Variants in MICAL3 observed in about 807,000 individuals in gnomAD.
MICAL3 encodes the protein [F-actin]-monooxygenase MICAL3.
MICAL3 carries 62 observed loss-of-function variants against 207.4 expected under a neutral mutation model. The observed-to-expected ratio is 0.30, with a 90% CI of 0.24 to 0.37. MICAL3 has a LOEUF of 0.37. Ranked by LOEUF, MICAL3 falls within the 10% of genes least tolerant of loss-of-function variation. The probability of loss-of-function intolerance (pLI) is 1.00; values close to 1 mark genes in which losing one functional copy is unlikely to be tolerated. For missense variants in MICAL3, 2,368 were observed against 2,635.6 expected (o/e 0.90, Z 2.22); for synonymous variants, 1,077 against 1,069.3 (o/e 1.01, Z -0.14).
intron 16 of MICAL3, among the ~76,000 whole-genome samples, chr22:17,878,391 C>G (rs549176197): frequency 5.9e-5 from 9 of 152,262 alleles, no homozygotes; most frequent in African/African-American, 1.4e-4. Context: ...TGGGAAAGAC[C>G]CCCACCTCCA....
rs118175878 is a variant in MICAL3, at chr22:17,896,487, C to T, written c.1207-126G>A. On this transcript the variant is annotated intron_variant, in intron 8 of 31. Transcript: ENST00000441493. ...TGGCAACTGTTTCAATAACAAATTG[C>T]TCTCCTTCCCAGATTGGCAAGGAGT... is the stretch of plus-strand genomic sequence containing the variant. 1,521 of 748,634 alleles carry T rather than the reference C, an allele frequency of 2.0e-3. 4 individuals carry two copies. The highest frequency in any genetic ancestry group is 3.4e-3 in the Admixed American group (136 of 39,608). 46.4% of individuals were successfully genotyped at this position (748,634 alleles called of 1,614,324 possible).
intron 16 of MICAL3, among the ~76,000 whole-genome samples, chr22:17,878,704 G>A (rs768491024): frequency 1.2e-4 from 18 of 152,174 alleles, no homozygotes; most frequent in Non-Finnish European, 2.2e-4. Flanking sequence ...GTTTCATAAA[G>A]TAAGCCGGCT....
chr22:17,967,016 AC>A (rs1382215930), intron 1 of MICAL3, among the ~76,000 whole-genome samples: 1 of 152,210 alleles, frequency 6.6e-6, no homozygotes, highest in African/African-American at 2.4e-5. Flanking sequence ...CTTCCTGGGC[AC>A]CCATGTGTGC....
intron 20 of MICAL3, among the ~76,000 whole-genome samples, chr22:17,836,643 G>C (rs180957506): frequency 3.3e-5 from 5 of 150,810 alleles, no homozygotes; most frequent in Non-Finnish European, 7.4e-5. Context: ...GAAGTTCCTG[G>C]GTGGTTTTTT....
At chr22:18,004,330 C>G (rs979023877) in intron 1 of MICAL3, 1 of 151,182 alleles carries the variant, frequency 6.6e-6, no homozygotes, top group African/African-American at 2.4e-5. Context: ...TGCATGATCT[C>G]GGCTCACCAC....
intron 5 of MICAL3, 112 bp downstream of exon 5, chr22:17,901,766 C>T (rs1931339003): frequency 2.9e-6 from 2 of 697,546 alleles, no homozygotes; most frequent in African/African-American, 1.8e-5. Context: ...AGGAAGCACA[C>T]ATTCAGGCTC....
Position 17,886,041 on chromosome 22 carries a change from G to A in MICAL3, c.2078C>T (p.Pro693Leu), listed in dbSNP as rs756434367. 5.6e-6 allele frequency: 9 copies of A among 1,613,958 alleles called. No homozygotes were observed. The South Asian group carries it at 8.8e-5, about 16-fold the overall frequency. ...KTSQSEEEEA[P>L]RGHRGERPTL... ...CGGTCTTTCTCCTCTGTGGCCCCGA[G>A]GAGCTTCCTCCTGGTCAATGCCAAC... Residue 693 changes from proline to leucine, a missense_variant, in exon 16 of 32, where the codon CCT becomes CTT. This residue lies in a region of MICAL3 where 1,770 missense variants were observed against 1,863.2 expected (regional missense o/e 0.95). Transcript: ENST00000441493.
chr22:17,819,912 T>C (rs965401559), intron 25 of MICAL3, among the ~76,000 whole-genome samples: 1 of 128,102 alleles, frequency 7.8e-6, no homozygotes, highest in Non-Finnish European at 1.5e-5. Context: ...CACTGCATCC[T>C]AGCCTGGGTG....
chr22:17,861,754 C>G, intron 19 of MICAL3: 2 of 985,010 alleles, frequency 2.0e-6, no homozygotes, highest in Non-Finnish European at 2.4e-6. Context: ...GATTTAAGAA[C>G]AAAAAAGAGG....
At chr22:17,798,089 G>C (rs2061895953) in intron 29 of MICAL3, among the ~76,000 whole-genome samples, 1 of 152,240 alleles carries the variant, frequency 6.6e-6, no homozygotes, top group Non-Finnish European at 1.5e-5. Context: ...TTTCCCCAGG[G>C]AACACGGGTT....
At chr22:17,861,935 G>C in intron 19 of MICAL3, 1 of 985,284 alleles carries the variant, frequency 1.0e-6, no homozygotes, top group East Asian at 1.1e-4. Context: ...GTGTTTTTTT[G>C]TTTTTGTTTT....
chr22:17,848,982 G>A (rs139688417), intron 19 of MICAL3, among the ~76,000 whole-genome samples: 15 of 152,362 alleles, frequency 9.8e-5, no homozygotes, highest in South Asian at 6.2e-4. Context: ...CCACTGCTAT[G>A]TCAGGGTGGT....
Position 17,885,945 on chromosome 22 carries a change from A to G in MICAL3, c.2174T>C (p.Met725Thr). 6.2e-7 allele frequency: 1 copy of G among 1,614,022 alleles called. No homozygotes were observed. The highest frequency in any genetic ancestry group is 1.3e-5 in the African/African-American group (1 of 75,058). The change falls in exon 16 of 32, where the codon ATG (methionine) becomes ACG (threonine). Residue 725 changes from methionine to threonine, a missense_variant. Physicochemically the swap from Met to Thr is moderately conservative, Grantham distance 81 (BLOSUM62 -1). Coordinates refer to ENST00000441493, the MANE Select transcript of MICAL3 (RefSeq NM_015241.3). ...AAATTTGGCCAGCAGCTGGGTCGCCATGTACTTCACTTTGTTCTGGTTCCC... is the reference window on the plus strand; with the variant it reads ...AAATTTGGCCAGCAGCTGGGTCGCCGTGTACTTCACTTTGTTCTGGTTCCC... ...AVGNQNKVKY[M>T]ATQLLAKFEE... is the part of the protein sequence containing the mutation.
At chr22:17,828,822 C>T (rs928041140) in intron 21 of MICAL3, among the ~76,000 whole-genome samples, 4 of 152,320 alleles carry the variant, frequency 2.6e-5, no homozygotes, top group South Asian at 4.1e-4. Context: ...CTGAAGGATT[C>T]GTGTTCCTGC....
intron 1 of MICAL3, among the ~76,000 whole-genome samples, chr22:17,950,763 C>T (rs921312330): frequency 7.2e-5 from 11 of 152,188 alleles, no homozygotes; most frequent in African/African-American, 2.2e-4. Context: ...GGGGAGGGAA[C>T]GACTGCTGTT....
intron 28 of MICAL3, among the ~76,000 whole-genome samples, 160 bp from the exon 29 acceptor site, chr22:17,809,097 C>T (rs550315706): frequency 1.8e-4 from 27 of 152,338 alleles, no homozygotes; most frequent in Non-Finnish European, 3.1e-4. Context: ...AGACCACCTG[C>T]ACCAGAACCA....
chr22:17,843,386 C>T (rs897372679), intron 19 of MICAL3, among the ~76,000 whole-genome samples: 1 of 152,118 alleles, frequency 6.6e-6, no homozygotes, highest in African/African-American at 2.4e-5. Flanking sequence ...TCTGGTGTGT[C>T]CCCTGTAATG....
intron 7 of MICAL3, among the ~76,000 whole-genome samples, chr22:17,899,150 G>A (rs1270039389): frequency 6.6e-6 from 1 of 152,226 alleles, no homozygotes; most frequent in Non-Finnish European, 1.5e-5. Flanking sequence ...CAGTGGTGAA[G>A]AAGGAGTGCA....
intron 29 of MICAL3, among the ~76,000 whole-genome samples, chr22:17,799,801 C>T (rs115210459): frequency 9.1e-4 from 139 of 152,292 alleles, no homozygotes; most frequent in African/African-American, 3.1e-3. Context: ...GGCTGGGAGA[C>T]ACCTGGTGCT....
Sources: gnomAD v4.1 joint callset for allele counts (sites outside exome capture counted in the v4.1 genomes callset) on GRCh38, gnomAD v4.1.1 for gene constraint, gnomAD v4.1.1 regional missense constraint, MANE v1.5 for transcripts, NCBI Gene and HGNC (gene_info 2026-07-23, HGNC 2026-07-21) for gene names.